The following TPX2 variants were observed in gnomAD, a reference collection of about 807,000 sequenced individuals.
TPX2 encodes the protein targeting protein for Xklp2.
In TPX2, 21 loss-of-function variants were observed where a neutral mutation model predicts 93.6. The ratio of observed to expected loss-of-function variants is 0.22; its 90% CI spans 0.16 to 0.32. The LOEUF (loss-of-function observed/expected upper bound fraction) is 0.32. Among genes scored for constraint, TPX2 ranks in the 10% least tolerant of loss-of-function variants. The pLI, the probability that TPX2 is intolerant of heterozygous loss-of-function variation, is 1.00. For missense variants in TPX2, 776 were observed against 871.1 expected (o/e 0.89, Z 1.37); for synonymous variants, 281 against 298.3 (o/e 0.94, Z 0.60).
intron 2 of TPX2, among the ~76,000 whole-genome samples, chr20:31,747,916 A>G (rs1325969974): frequency 6.6e-6 from 1 of 151,728 alleles, no homozygotes; most frequent in Non-Finnish European, 1.5e-5. Flanking sequence ...ATTTCCCACT[A>G]GGCCCTGTGG....
chr20:31,754,483 C>T (rs1301757651), intron 2 of TPX2, among the ~76,000 whole-genome samples: 2 of 152,254 alleles, frequency 1.3e-5, no homozygotes, highest in East Asian at 3.9e-4. Flanking sequence ...TCTCATGATT[C>T]ATCTCAGTGG....
In TPX2 at chr20:31,782,345, A is replaced by G. The variant is rs748335606; in HGVS notation, c.1151A>G (p.Lys384Arg). 6.9e-5 allele frequency: 111 copies of G among 1,613,408 alleles called. No homozygotes were observed. The highest frequency in any genetic ancestry group is 1.2e-4 in the South Asian group (11 of 90,894). Residue 384 changes from lysine to arginine, a missense_variant, in exon 11 of 18, where the codon AAA (lysine) becomes AGA (arginine). This residue lies in a region of TPX2 where 461 missense variants were observed against 551.2 expected (regional missense o/e 0.84). Coordinates refer to ENST00000300403, the MANE Select transcript of TPX2 (RefSeq NM_012112.5). The part of the protein sequence containing the change: ...TKHRARAVTC[K>R]STAELEAEEL... ...CACCGTGCACGGGCTGTGACCTGCAAAAGTACAGCAGAGCTGGAGGCTGAG... is the reference window on the plus strand; with the variant it reads ...CACCGTGCACGGGCTGTGACCTGCAGAAGTACAGCAGAGCTGGAGGCTGAG...
At position 31,777,637 on chromosome 20, in the gene TPX2, C is replaced by A; in HGVS notation, c.881C>A (p.Pro294His). 1 of 1,612,326 alleles carries A rather than the reference C, an allele frequency of 6.2e-7. No individual in the cohort carries two copies. Among genetic ancestry groups the A allele is most frequent in the Non-Finnish European group, 8.5e-7 (1 of 1,178,896 alleles). The change falls in exon 9 of 18, where the codon CCT becomes CAT. Residue 294 changes from proline to histidine, a missense_variant and splice_region_variant. Physicochemically the swap from Pro to His is moderately conservative, Grantham distance 77. Around this residue, in one of 3 missense-constraint regions of TPX2, gnomAD observed 461 missense variants for 551.2 expected, o/e 0.84. Transcript: ENST00000300403. ...TSELRKHPSS[P>H]ARVTKGCTIV... The stretch of plus-strand genomic sequence containing the variant: ...GAACTACGAAAGCATCCTTCATCTC[C>A]TGTAAGTTGATGGACTAAATGAACA...
intron 10 of TPX2, among the ~76,000 whole-genome samples, chr20:31,781,562 G>A (rs112526446): frequency 0.026 from 4,008 of 151,700 alleles, 70 homozygotes; most frequent in Admixed American, 0.038. Context: ...ACTGTGACCG[G>A]CCAGGAAGGC....
intron 4 of TPX2, among the ~76,000 whole-genome samples, chr20:31,762,824 A>G (rs2061898336): frequency 6.6e-6 from 1 of 152,120 alleles, no homozygotes; most frequent in Non-Finnish European, 1.5e-5. Flanking sequence ...ATTTTATTTT[A>G]GAGATGAGGT....
intron 5 of TPX2, among the ~76,000 whole-genome samples, chr20:31,767,949 T>A (rs1424357115): frequency 2.7e-5 from 4 of 146,434 alleles, no homozygotes; most frequent in East Asian, 3.9e-4. Flanking sequence ...TTTTTTTTTT[T>A]GAGAGAGGGT....
At position 31,743,798 on chromosome 20, in the gene TPX2, C is replaced by T. The variant is rs187221828; in HGVS notation, c.-71+1151C>T. 3.0e-3 allele frequency among the ~76,000 whole-genome samples: 452 copies of T among 150,726 alleles called. 12 individuals carry two copies. The highest frequency in any genetic ancestry group is 5.7e-4 in the Non-Finnish European group (39 of 67,916). ...CTGGAGTGCAATGGTGCAATCTCAG[C>T]TTACCGTAACCTCCGCCTCCCAGGT... On this transcript the variant is annotated intron_variant, in intron 2 of 17. Transcript: ENST00000300403.
rs141096909 is a variant in TPX2, at chr20:31,775,278, A to G, written c.609-589A>G. Among the ~76,000 whole-genome samples, 5 of 152,114 alleles carry G rather than the reference A, an allele frequency of 3.3e-5. No individual in the cohort carries two copies. In the East Asian group the frequency reaches 9.7e-4, roughly 29 times the overall value. On this transcript the variant is annotated intron_variant, in intron 7 of 17. Transcript: ENST00000300403. ...CAGTCCAATCTCATCGTTTATGATC[A>G]TATTTATGGATATTTTGTAATATAT...
In TPX2 at chr20:31,766,161, CCTTT is replaced by C. The variant is rs1394388196; in HGVS notation, c.230-394_230-391del. ...TTATCACTACTCTAAAGACATTGTT[CCTTT>C]ATCTTCTATTTTTATGTATTGCTGA... On this transcript the variant is annotated intron_variant, in intron 4 of 17. Transcript: ENST00000300403. Among the ~76,000 whole-genome samples, 28 of 152,172 alleles carry C rather than the reference CCTTT, an allele frequency of 1.8e-4. 1 individual carries two copies. The highest frequency in any genetic ancestry group is 6.5e-4 in the African/African-American group (27 of 41,540).
At chr20:31,777,922 G>A (rs556753900) in intron 9 of TPX2, among the ~76,000 whole-genome samples, 33 of 151,942 alleles carry the variant, frequency 2.2e-4, no homozygotes, top group Non-Finnish European at 3.8e-4. Flanking sequence ...GATTACAGGC[G>A]CCTGCCACCA....
chr20:31,768,402 ATTTT>A (rs71272861), intron 5 of TPX2, among the ~76,000 whole-genome samples: 1 of 140,346 alleles, frequency 7.1e-6, no homozygotes, highest in African/African-American at 2.6e-5. Context: ...CGCGCGGCTA[ATTTT>A]TTTTTTTTTT....
chr20:31,781,002 G>A (rs2062029989), intron 10 of TPX2: 2 of 375,552 alleles, frequency 5.3e-6, no homozygotes, highest in African/African-American at 2.2e-5. Context: ...TCACTTCAGT[G>A]TCCAACTCCT....
chr20:31,791,843 C>T (rs2062103743), intron 12 of TPX2, among the ~76,000 whole-genome samples: 1 of 152,166 alleles, frequency 6.6e-6, no homozygotes, highest in Non-Finnish European at 1.5e-5. Context: ...CTTAATCGAT[C>T]TGGCCGTACA....
At chr20:31,782,513 G>C in intron 11 of TPX2, 123 bp downstream of exon 11, 4 of 1,232,340 alleles carry the variant, frequency 3.2e-6, no homozygotes, top group Non-Finnish European at 4.4e-6. Context: ...TGAGTAGTAG[G>C]CTCTGCAGGC....
At chr20:31,784,050 C>T in intron 12 of TPX2, 129 bp downstream of exon 12, 1 of 1,004,128 alleles carries the variant, frequency 1.0e-6, no homozygotes, top group Non-Finnish European at 1.5e-6. Flanking sequence ...GATAAAGAGA[C>T]TTATCGGAAG....
chr20:31,775,800 A>G, intron 7 of TPX2, 67 bp from the exon 8 acceptor site: 1 of 1,382,418 alleles, frequency 7.2e-7, no homozygotes, highest in Non-Finnish European at 9.4e-7. Context: ...TAATGCCTGT[A>G]GATTCTTTTG....
chr20:31,788,770 A>G (rs897322682), intron 12 of TPX2, among the ~76,000 whole-genome samples: 6 of 152,314 alleles, frequency 3.9e-5, no homozygotes, highest in Non-Finnish European at 2.9e-5. Flanking sequence ...GCTGACCTCT[A>G]TTGGGCAGCC....
rs141823722 is a variant in TPX2 at position 31,757,521 on chromosome 20, T to C, written c.45T>C (p.Asp15=). The C allele has an allele frequency of 5.0e-6, 8 of 1,614,144 alleles. No individual in the cohort carries two copies. Among genetic ancestry groups the C allele is most frequent in the Middle Eastern group, 1.6e-4 (1 of 6,062 alleles). ...CTTATTCCTATGATGCCCCCTCGGA[T>C]TTCATCAATTTTTCATCCTTGGATG... ...KSSYSYDAPS[D]FINFSSLDDE... The change falls in exon 3 of 18, where the codon GAT becomes GAC. Residue 15 remains aspartate (D), a synonymous_variant. Transcript: ENST00000300403.
At position 31,778,792 on chromosome 20, in the gene TPX2, G is replaced by A. The variant is rs756801749; in HGVS notation, c.883-21G>A. Reference sequence around the variant, plus strand: ...GCTCTTCCGTGACATTTCATTTGGGGAACAACTTTTCTCTTTACAGGCCCG... The same window carrying A: ...GCTCTTCCGTGACATTTCATTTGGGAAACAACTTTTCTCTTTACAGGCCCG... On this transcript the variant is annotated intron_variant, in intron 9 of 17. Transcript: ENST00000300403. 35 of 1,525,222 alleles carry A rather than the reference G, an allele frequency of 2.3e-5. No homozygotes were observed. The African/African-American group carries it at 2.9e-4, about 13-fold the overall frequency. The allele number at this position is 1,525,222 out of a possible 1,614,324, so 94.5% of individuals were successfully genotyped here.
Sources: gnomAD v4.1 joint callset for allele counts (sites outside exome capture counted in the v4.1 genomes callset) on GRCh38, gnomAD v4.1.1 for gene constraint, gnomAD v4.1.1 regional missense constraint, MANE v1.5 for transcripts, NCBI Gene and HGNC (gene_info 2026-07-23, HGNC 2026-07-21) for gene names.